FIRRM: variants seen among roughly 807,000 people sequenced by gnomAD.
The protein encoded by FIRRM is FIGNL1 interacting regulator of recombination and mitosis, also known as FIGNL1-interacting regulator of recombination and mitosis.
At chr1:169,797,970 G>A in the FIRRM span, among the ~76,000 whole-genome samples, 8 of 152,318 alleles carry the variant, frequency 5.3e-5, no homozygotes, top group African/African-American at 1.9e-4. Context: ...TCGTGTATTT[G>A]TAAGCTGCTA....
chr1:169,797,522 TG>T, the FIRRM span, among the ~76,000 whole-genome samples: 1 of 152,316 alleles, frequency 6.6e-6, no homozygotes, highest in Admixed American at 6.5e-5. Context: ...AATGAATTCT[TG>T]TATTACTGTG....
At chr1:169,847,544 A>C in the FIRRM span, 3 of 561,830 alleles carry the variant, frequency 5.3e-6, no homozygotes, top group African/African-American at 5.8e-5. Context: ...CTACCAGTGA[A>C]GTTCAGGGGC....
At chr1:169,829,562 AG>A in the FIRRM span, 3 of 951,942 alleles carry the variant, frequency 3.2e-6, no homozygotes, top group Non-Finnish European at 4.5e-6. Flanking sequence ...ATTCCTTTTG[AG>A]TGAAACTTAG....
the FIRRM span, chr1:169,800,845 TG>T: frequency 1.9e-6 from 2 of 1,065,098 alleles, no homozygotes; most frequent in African/African-American, 3.2e-5. Flanking sequence ...TTGACTGACA[TG>T]ACAATATTTT....
At chr1:169,798,287 T>G in the FIRRM span, among the ~76,000 whole-genome samples, 1 of 151,842 alleles carries the variant, frequency 6.6e-6, no homozygotes, top group Non-Finnish European at 1.5e-5. Flanking sequence ...TCTTTTTTTT[T>G]TTTTTTGAGA....
chr1:169,795,758 C>T, the FIRRM span: 3 of 985,214 alleles, frequency 3.0e-6, no homozygotes, highest in African/African-American at 3.5e-5. Flanking sequence ...TGATTTTCCT[C>T]CTTCCCCTCT....
chr1:169,852,921 A>G, the FIRRM span: 1 of 1,614,182 alleles, frequency 6.2e-7, no homozygotes, highest in Non-Finnish European at 8.5e-7. Context: ...CCTGGCTTTC[A>G]ATGGAAATGG....
chr1:169,798,121 A>T, the FIRRM span, among the ~76,000 whole-genome samples: 1 of 152,270 alleles, frequency 6.6e-6, no homozygotes. Context: ...TTGTAATAGA[A>T]ATCGGAAGTA....
the FIRRM span, among the ~76,000 whole-genome samples, chr1:169,846,219 A>G: frequency 6.3e-3 from 959 of 152,314 alleles, 10 homozygotes; most frequent in African/African-American, 0.022. Context: ...AATATTCAGT[A>G]AACAGTGATA....
the FIRRM span, chr1:169,794,891 C>A: frequency 1.8e-6 from 1 of 563,930 alleles, no homozygotes; most frequent in Non-Finnish European, 3.2e-6. Flanking sequence ...TCCTCCGGAC[C>A]TAAATCGCGC....
chr1:169,829,481 G>T, the FIRRM span: 3 of 1,545,978 alleles, frequency 1.9e-6, no homozygotes, highest in Non-Finnish European at 2.6e-6. Context: ...CTAAGCTAAG[G>T]TTACACTTTT....
the FIRRM span, among the ~76,000 whole-genome samples, chr1:169,840,313 C>A: frequency 2.0e-5 from 3 of 152,056 alleles, no homozygotes; most frequent in Non-Finnish European, 2.9e-5. Context: ...TTGCTTTGGG[C>A]AGTATGGCCA....
chr1:169,851,566 T>G, the FIRRM span: 1 of 485,718 alleles, frequency 2.1e-6, no homozygotes, highest in Non-Finnish European at 3.6e-6. Context: ...TTTCTTAGCT[T>G]ATACAGTAAA....
chr1:169,843,769 G>A, the FIRRM span: 1 of 1,572,994 alleles, frequency 6.4e-7, no homozygotes, highest in Non-Finnish European at 8.7e-7. Context: ...TGATACTTCA[G>A]GTAAGAATAA....
At chr1:169,838,190 T>C in the FIRRM span, among the ~76,000 whole-genome samples, 11 of 152,104 alleles carry the variant, frequency 7.2e-5, no homozygotes, top group Admixed American at 3.3e-4. Context: ...CTACCCTCCT[T>C]GGCCTCCCAA....
chr1:169,830,663 A>G, the FIRRM span: 1 of 1,598,742 alleles, frequency 6.3e-7, no homozygotes. Flanking sequence ...GAGTAATTGT[A>G]TAAACATAGT....
the FIRRM span, among the ~76,000 whole-genome samples, chr1:169,813,206 A>T: frequency 6.6e-6 from 1 of 152,228 alleles, no homozygotes; most frequent in Non-Finnish European, 1.5e-5. Context: ...TATTGAGCTA[A>T]GTTGCTTAAA....
At chr1:169,832,158 TAGG>T in the FIRRM span, among the ~76,000 whole-genome samples, 3 of 152,184 alleles carry the variant, frequency 2.0e-5, no homozygotes, top group Non-Finnish European at 4.4e-5. Flanking sequence ...TGTCTTTGAG[TAGG>T]AGGACTGACA....
chr1:169,830,849 G>C, the FIRRM span: 2 of 1,058,500 alleles, frequency 1.9e-6, no homozygotes. Flanking sequence ...AAATATCACA[G>C]TAACAAGATT....
Sources: gnomAD v4.1 joint callset for allele counts (sites outside exome capture counted in the v4.1 genomes callset) on GRCh38, gnomAD v4.1.1 for gene constraint, MANE v1.5 for transcripts, NCBI Gene and HGNC (gene_info 2026-07-23, HGNC 2026-07-21) for gene names.